ATG4A: variants seen among roughly 807,000 people sequenced by gnomAD.
ATG4A encodes cysteine protease ATG4A.
A neutral mutation model predicts 38.4 loss-of-function variants in ATG4A; 22 were observed. That is an observed-to-expected ratio of 0.57 (90% CI 0.41 to 0.82). The LOEUF (loss-of-function observed/expected upper bound fraction) is 0.82, where lower values mean the gene tolerates loss of function less well. ATG4A is among the 40% of genes least tolerant of loss of function. The pLI, the probability that ATG4A is intolerant of heterozygous loss-of-function variation, is 0.00. For missense variants in ATG4A, 220 were observed against 290.0 expected, an observed-to-expected ratio of 0.76 and a Z score of 1.75; for synonymous variants, 86 against 100.7, an observed-to-expected ratio of 0.85 and a Z score of 0.88.
chrX:108,115,494 A>G (rs1438066248), intron 1 of ATG4A, among the ~76,000 whole-genome samples: 2 of 111,735 alleles, frequency 1.8e-5, no homozygotes, highest in Non-Finnish European at 1.9e-5. Flanking sequence ...CCTGGTTTCA[A>G]ACTTTATGTA....
At chrX:108,128,894 A>G (rs368319258) in intron 3 of ATG4A, 42 bp downstream of exon 3, 20 of 975,095 alleles carry the variant, frequency 2.1e-5, no homozygotes, top group Non-Finnish European at 2.2e-5. Flanking sequence ...TTCCTTGTGG[A>G]TAGCTTGCCT....
intron 1 of ATG4A, among the ~76,000 whole-genome samples, chrX:108,110,600 C>T (rs1286986565): frequency 1.8e-5 from 2 of 111,734 alleles, no homozygotes; most frequent in African/African-American, 6.5e-5. Context: ...CTCTCCCTTA[C>T]CACTACACTC....
intron 1 of ATG4A, among the ~76,000 whole-genome samples, chrX:108,121,449 C>A (rs1469440342): frequency 9.0e-6 from 1 of 111,237 alleles, no homozygotes; most frequent in Non-Finnish European, 1.9e-5. Context: ...TTTTCTGCCA[C>A]CGTTTCATCA....
chrX:108,118,342 A>T lies in ATG4A; in HGVS notation c.11-7735A>T, dbSNP rs768061647. ...TGCTTAGAATCCAGCTTTTTTTTTC[A>T]TAACAGCAATGTATAGTGGGAAGAA... is the stretch of plus-strand genomic sequence containing the variant. On this transcript the variant is annotated intron_variant, in intron 1 of 12. Coordinates refer to ENST00000372232, the MANE Select transcript of ATG4A (RefSeq NM_052936.5). Among the ~76,000 whole-genome samples the T allele has an allele frequency of 1.6e-4, 18 of 110,921 alleles. No individual in the cohort carries two copies. The East Asian group carries it at 4.8e-3, about 29-fold the overall frequency.
intron 1 of ATG4A, among the ~76,000 whole-genome samples, chrX:108,111,776 T>G (rs1412318151): frequency 2.7e-5 from 3 of 111,984 alleles, no homozygotes; most frequent in Non-Finnish European, 5.6e-5. Flanking sequence ...AAATTTTTAT[T>G]TCTTTTAGAG....
chrX:108,132,612 T>TAAAACGC (rs2032989232), intron 4 of ATG4A, among the ~76,000 whole-genome samples: 1 of 110,766 alleles, frequency 9.0e-6, no homozygotes, highest in South Asian at 3.9e-4. Flanking sequence ...TTACCCAGGG[T>TAAAACGC]AAAACGCAAG....
chrX:108,128,502 T>C (rs918317995), intron 2 of ATG4A, among the ~76,000 whole-genome samples: 1 of 111,678 alleles, frequency 9.0e-6, no homozygotes, highest in African/African-American at 3.3e-5. Context: ...TTGGCAATGA[T>C]CCCAGTGTTT....
intron 3 of ATG4A, among the ~76,000 whole-genome samples, chrX:108,130,344 G>C (rs144532683): frequency 6.3e-5 from 7 of 111,963 alleles, no homozygotes; most frequent in Non-Finnish European, 9.4e-5. Flanking sequence ...TATCCTCTCT[G>C]CCATACAAGT....
intron 1 of ATG4A, among the ~76,000 whole-genome samples, chrX:108,109,299 A>T (rs1320558149): frequency 2.7e-5 from 3 of 112,334 alleles, no homozygotes; most frequent in Non-Finnish European, 5.6e-5. Context: ...TCATCTTTAG[A>T]TAACTATTCA....
At chrX:108,090,746 CAGAA>C (rs1438039219), upstream of ATG4A, among the ~76,000 whole-genome samples, 1 of 112,196 alleles carries the variant, frequency 8.9e-6, no homozygotes, top group Non-Finnish European at 1.9e-5. Context: ...AGCAGGAGGG[CAGAA>C]AGAAACACTT....
intron 9 of ATG4A, among the ~76,000 whole-genome samples, chrX:108,148,173 A>G (rs1281253945): frequency 9.4e-6 from 1 of 106,192 alleles, no homozygotes; most frequent in Non-Finnish European, 1.9e-5. Flanking sequence ...TCTAAAACTG[A>G]AGAACTTGGA....
chrX:108,109,525 A>T (rs1276042246), intron 1 of ATG4A, among the ~76,000 whole-genome samples: 2 of 112,144 alleles, frequency 1.8e-5, no homozygotes, highest in Non-Finnish European at 3.8e-5. Flanking sequence ...TGTGCTTTTG[A>T]TGTCATATCC....
chrX:108,128,707 A>G, intron 2 of ATG4A, 74 bp from the exon 3 acceptor site: 2 of 642,735 alleles, frequency 3.1e-6, no homozygotes, highest in Non-Finnish European at 4.6e-6. Flanking sequence ...AAATTAAGTT[A>G]GTAGCTGGCT....
upstream of ATG4A, chrX:108,091,366 G>A (rs1288410321): frequency 8.6e-7 from 1 of 1,156,728 alleles, no homozygotes; most frequent in Non-Finnish European, 1.2e-6. Context: ...GTAGGGCTTC[G>A]CCGACGTCGC....
In ATG4A at chrX:108,112,432, C is replaced by T. The variant is rs377038389; in HGVS notation, c.11-13645C>T. On this transcript the variant is annotated intron_variant, in intron 1 of 12. Transcript: ENST00000372232. ...TTTGAGACGGAGTCTTGCTCTGTCG[C>T]CCTGGCTGGAGTGCAGTGGCGCAAT... is the stretch of plus-strand genomic sequence containing the variant. 7.7e-4 allele frequency among the ~76,000 whole-genome samples: 84 copies of T among 109,018 alleles called. 2 individuals are homozygous for T. The East Asian group carries it at 0.022, about 29-fold the overall frequency. 94.7% of individuals were successfully genotyped at this position (109,018 alleles called of 115,157 possible).
Position 108,134,325 on chromosome X carries a change from C to T in ATG4A, c.395-14C>T, listed in dbSNP as rs748773084. 3 of 1,197,962 alleles carry T rather than the reference C, an allele frequency of 2.5e-6. No individual in the cohort carries two copies. Among genetic ancestry groups the T allele is most frequent in the Non-Finnish European group, 3.4e-6 (3 of 890,370 alleles). On this transcript the variant is annotated splice_polypyrimidine_tract_variant and intron_variant, in intron 5 of 12. Transcript: ENST00000372232. ...CTTTTGCTAACATGTTATTTTTTTC[C>T]ACATTAAAAACAGCACAAATGGGTG...
intron 1 of ATG4A, among the ~76,000 whole-genome samples, chrX:108,108,221 G>T (rs1347137909): frequency 1.1e-5 from 1 of 91,946 alleles, no homozygotes; most frequent in Non-Finnish European, 2.1e-5. Flanking sequence ...TCCATCACCA[G>T]GTCCAGGATA....
intron 10 of ATG4A, 99 bp from the exon 11 acceptor site, chrX:108,151,703 C>A: frequency 1.2e-6 from 1 of 846,658 alleles, no homozygotes; most frequent in Non-Finnish European, 1.7e-6. Flanking sequence ...TGAGAAGTCA[C>A]ATCCACAGAG....
chrX:108,113,942 A>G (rs1379685205), intron 1 of ATG4A, among the ~76,000 whole-genome samples: 1 of 112,334 alleles, frequency 8.9e-6, no homozygotes, highest in Non-Finnish European at 1.9e-5. Flanking sequence ...TTGCAGATGC[A>G]GTTCAAAGTT....
Sources: allele counts gnomAD v4.1 joint callset (sites outside exome capture counted in the v4.1 genomes callset), GRCh38; gene constraint gnomAD v4.1.1; transcripts MANE v1.5; gene names NCBI Gene and HGNC (gene_info 2026-07-23, HGNC 2026-07-21).